Variants in TEX15 observed in about 807,000 individuals in gnomAD.
The protein encoded by TEX15 is testis-expressed protein 15.
Under a neutral mutation model 237.3 loss-of-function variants are expected in TEX15, and 171 were observed. The ratio of observed to expected loss-of-function variants is 0.72; its 90% CI spans 0.64 to 0.82. The LOEUF (loss-of-function observed/expected upper bound fraction) is 0.82. Ranked by LOEUF, TEX15 falls within the 40% of genes least tolerant of loss-of-function variation. The pLI, the probability that TEX15 is intolerant of heterozygous loss-of-function variation, is 0.00. For missense variants in TEX15, 3,750 were observed against 3,646.5 expected, an observed-to-expected ratio of 1.03 and a Z score of -0.73; for synonymous variants, 1,338 against 1,269.8, an observed-to-expected ratio of 1.05 and a Z score of -1.14.
Position 30,846,220 on chromosome 8 carries a change from T to G in TEX15, c.3947A>C (p.Lys1316Thr). Residue 1316 changes from lysine (K) to threonine (T), a missense_variant, in exon 8 of 11, where the codon AAA becomes ACA. Coordinates refer to ENST00000643185, the MANE Select transcript of TEX15 (RefSeq NM_001350162.2). ...ATAAATTTTATGTCGTCTTAAATCTTTATGTGGTATGTTCTGATCCCTGGA... is the reference window on the plus strand; with the variant it reads ...ATAAATTTTATGTCGTCTTAAATCTGTATGTGGTATGTTCTGATCCCTGGA... ...ISSRDQNIPH[K>T]DLRRHKIYGR... 7 of 1,613,456 alleles carry G rather than the reference T, an allele frequency of 4.3e-6. No homozygotes were observed. Among genetic ancestry groups the G allele is most frequent in the Non-Finnish European group, 5.9e-6 (7 of 1,179,666 alleles).
chr8:30,903,730 T>C (rs1258346898), intron 1 of TEX15, among the ~76,000 whole-genome samples: 3 of 152,204 alleles, frequency 2.0e-5, no homozygotes, highest in Non-Finnish European at 4.4e-5. Flanking sequence ...GTGTTACTGA[T>C]AGCGAAAAAC....
At position 30,837,216 on chromosome 8, in the gene TEX15, G is replaced by A; in HGVS notation, c.9068C>T (p.Ala3023Val). The change falls in exon 10 of 11, where the codon GCA becomes GTA. Residue 3023 changes from alanine to valine, a missense_variant. By Grantham distance (64) the Ala-to-Val change is moderately conservative (BLOSUM62 0). Coordinates refer to ENST00000643185, the MANE Select transcript of TEX15 (RefSeq NM_001350162.2). ...AGAAGAATTATATGTTGGGTTACATGCAGACTGTGGAAGTTCATTCCAATA... is the reference window on the plus strand; with the variant it reads ...AGAAGAATTATATGTTGGGTTACATACAGACTGTGGAAGTTCATTCCAATA... ...ATYWNELPQS[A>V]CNPTYNSSEH... 6.2e-7 allele frequency: 1 copy of A among 1,614,120 alleles called. No individual in the cohort carries two copies. The highest frequency in any genetic ancestry group is 8.5e-7 in the Non-Finnish European group (1 of 1,180,016).
intron 1 of TEX15, among the ~76,000 whole-genome samples, chr8:30,902,184 A>G (rs1043598515): frequency 4.0e-5 from 6 of 151,676 alleles, no homozygotes; most frequent in Non-Finnish European, 1.5e-5. Flanking sequence ...TGAGGAAGGC[A>G]TCTAATCAGG....
chr8:30,840,094 T>C lies in TEX15; in HGVS notation c.8164-130A>G, dbSNP rs530064543. The C allele has an allele frequency of 1.2e-5, 6 of 481,594 alleles. 1 individual carries two copies. Among genetic ancestry groups the C allele is most frequent in the Admixed American group, 1.2e-4 (3 of 25,458 alleles). 29.8% of individuals were successfully genotyped at this position (481,594 alleles called of 1,614,324 possible). On this transcript the variant is annotated intron_variant, in intron 8 of 10. Transcript: ENST00000643185. ...CATCTAAAGTTAAACTAATTAATTA[T>C]CACCTCCCTGCAGAAAGCAGTGACT...
chr8:30,854,893 T>C (rs1807875921), intron 7 of TEX15, among the ~76,000 whole-genome samples: 1 of 151,976 alleles, frequency 6.6e-6, no homozygotes, highest in African/African-American at 2.4e-5. Flanking sequence ...CACAACCATC[T>C]CAACAAAGAA....
chr8:30,842,029 G>A lies in TEX15; in HGVS notation c.8138C>T (p.Thr2713Ile), dbSNP rs1441851141. 1.2e-6 allele frequency: 2 copies of A among 1,600,910 alleles called. No individual in the cohort carries two copies. The highest frequency in any genetic ancestry group is 1.7e-6 in the Non-Finnish European group (2 of 1,176,470). ...EDSQEQQQDT[T>I]VSSCKKLKVD... ...CTTTAGCTTTTTACAACTGGAAACA[G>A]TAGTATCTTGCTGTTGTTCCTGAGA... is the stretch of plus-strand genomic sequence containing the variant. Residue 2713 changes from threonine (T) to isoleucine (I), a missense_variant, in exon 8 of 11, where the codon ACT becomes ATT. Thr to Ile is a moderately conservative substitution (Grantham distance 89, BLOSUM62 -1). Coordinates refer to ENST00000643185, the MANE Select transcript of TEX15 (RefSeq NM_001350162.2).
At chr8:30,910,610 CT>C (rs796129316) in intron 1 of TEX15, among the ~76,000 whole-genome samples, 13,608 of 97,952 alleles carry the variant, frequency 0.14, 825 homozygotes, top group African/African-American at 0.3. Flanking sequence ...CACGCCTGGC[CT>C]TTTTTTTTTT....
chr8:30,845,792 T>C lies in TEX15; in HGVS notation c.4375A>G (p.Arg1459Gly). ...TTAGAAATATCAGCTTTTGGAGCTC[T>C]TTTCTTTCTCCGTTTGTCATATTTT... ...KRKYDKRRKKRAPKADISKSL... is the reference protein window; with the variant it reads ...KRKYDKRRKKGAPKADISKSL... Residue 1459 changes from arginine to glycine, a missense_variant, in exon 8 of 11, where the codon AGA becomes GGA. By Grantham distance (125) the Arg-to-Gly change is moderately radical (BLOSUM62 -2). Coordinates refer to ENST00000643185, the MANE Select transcript of TEX15 (RefSeq NM_001350162.2). 6.2e-7 allele frequency: 1 copy of C among 1,610,390 alleles called. No homozygotes were observed. The highest frequency in any genetic ancestry group is 8.5e-7 in the Non-Finnish European group (1 of 1,178,962).
chr8:30,842,297 T>A lies in TEX15; in HGVS notation c.7870A>T (p.Met2624Leu). 6.2e-7 allele frequency: 1 copy of A among 1,613,844 alleles called. No individual in the cohort carries two copies. Among genetic ancestry groups the A allele is most frequent in the East Asian group, 2.2e-5 (1 of 44,824 alleles). The change falls in exon 8 of 11, where the codon ATG becomes TTG. Residue 2624 changes from methionine (M) to leucine (L), a missense_variant. Physicochemically the swap from Met to Leu is conservative, Grantham distance 15 (BLOSUM62 2). Transcript: ENST00000643185. ...KVMKTIEHMK[M>L]ICTKNAELTI... ...AGTTCAGCATTTTTAGTACATATCA[T>A]CTTCATATGTTCAATCGTTTTCATG...
rs1370789693 is a variant in TEX15 at position 30,842,402 on chromosome 8, T to C, written c.7765A>G (p.Asn2589Asp). 6.2e-7 allele frequency: 1 copy of C among 1,613,734 alleles called. No homozygotes were observed. The highest frequency in any genetic ancestry group is 8.5e-7 in the Non-Finnish European group (1 of 1,179,824). ...STVTELEYNY[N>D]QFSTLLKNVM... ...TTCTTCAGCAGTGTAGAAAATTGAT[T>C]GTAGTTGTATTCTAACTCTGTCACA... The change falls in exon 8 of 11, where the codon AAT becomes GAT. Residue 2589 changes from asparagine (N) to aspartate (D), a missense_variant. Asn to Asp is a conservative substitution (Grantham distance 23, BLOSUM62 1). Coordinates refer to ENST00000643185, the MANE Select transcript of TEX15 (RefSeq NM_001350162.2).
intron 1 of TEX15, among the ~76,000 whole-genome samples, chr8:30,904,195 C>T (rs1458770431): frequency 6.6e-6 from 1 of 152,102 alleles, no homozygotes; most frequent in African/African-American, 2.4e-5. Flanking sequence ...GCCTGTAATC[C>T]CACCACTTTG....
chr8:30,854,815 T>C (rs1356932797), intron 7 of TEX15, among the ~76,000 whole-genome samples: 2 of 152,104 alleles, frequency 1.3e-5, no homozygotes, highest in African/African-American at 4.8e-5. Context: ...ATCCAAGGAA[T>C]GCGATGTTAA....
intron 5 of TEX15, 48 bp from the exon 6 acceptor site, chr8:30,860,105 C>A: frequency 1.5e-6 from 2 of 1,351,504 alleles, no homozygotes; most frequent in Non-Finnish European, 1.9e-6. Flanking sequence ...TATACCAAAA[C>A]GTTTCTAAAC....
chr8:30,873,815 T>C (rs1172156816), intron 4 of TEX15, among the ~76,000 whole-genome samples: 3 of 152,094 alleles, frequency 2.0e-5, no homozygotes, highest in Admixed American at 2.0e-4. Flanking sequence ...TAAATAACTA[T>C]GGGAAACAAA....
chr8:30,889,954 C>CGTATAT lies in TEX15; in HGVS notation c.-9-2644_-9-2643insATATAC, dbSNP rs767323464. 2.5e-4 allele frequency among the ~76,000 whole-genome samples: 27 copies of CGTATAT among 110,042 alleles called. 1 individual carries two copies. Among genetic ancestry groups the CGTATAT allele is most frequent in the African/African-American group, 1.1e-3 (24 of 22,380 alleles). The allele number at this position is 110,042 out of a possible 152,430, so 72.2% of individuals were successfully genotyped here. On this transcript the variant is annotated intron_variant, in intron 2 of 10. Transcript: ENST00000643185. Reference sequence around the variant, plus strand: ...ATATACATATATATATATATATATACATATATATATATATGTATAAGTAAA... The same window carrying CGTATAT: ...ATATACATATATATATATATATATACGTATATATATATATATATATGTATAAGTAAA...
chr8:30,846,568 A>G lies in TEX15; in HGVS notation c.3599T>C (p.Ile1200Thr), dbSNP rs557187355. 12 of 1,613,796 alleles carry G rather than the reference A, an allele frequency of 7.4e-6. No homozygotes were observed. The South Asian group carries it at 9.9e-5, about 13-fold the overall frequency. The change falls in exon 8 of 11, where the codon ATT (isoleucine) becomes ACT (threonine). Residue 1200 changes from isoleucine (I) to threonine (T), a missense_variant. Physicochemically the swap from Ile to Thr is moderately conservative, Grantham distance 89 (BLOSUM62 -1). Transcript: ENST00000643185. The stretch of plus-strand genomic sequence containing the variant: ...CTGGGAATAAATGTCAAATCCTAGA[A>G]TTTCTCCATCTTCCTTATTTATTTC... ...KPEINKEDGE[I>T]LGFDIYSQPF...
chr8:30,877,266 C>T (rs945150326), intron 3 of TEX15, among the ~76,000 whole-genome samples: 2 of 152,134 alleles, frequency 1.3e-5, no homozygotes, highest in East Asian at 1.9e-4. Context: ...GTAACAAGTT[C>T]GGACAAAAAA....
At chr8:30,912,575 G>A (rs563512176) in intron 1 of TEX15, among the ~76,000 whole-genome samples, 4 of 152,314 alleles carry the variant, frequency 2.6e-5, no homozygotes, top group South Asian at 2.1e-4. Context: ...CTCAGCGGGG[G>A]CAGAGGGAGA....
chr8:30,837,008 C>G lies in TEX15; in HGVS notation c.9276G>C (p.Leu3092=). ...STAQGTHSNL[L]YSQYFTYFAG... is the part of the protein sequence containing the mutation. ...CAAAATAAGTAAAATATTGAGAGTA[C>G]AGAAGATTAGAATGTGTGCCCTGGG... Residue 3092 remains leucine (L), a synonymous_variant, in exon 10 of 11, where the codon CTG becomes CTC. Transcript: ENST00000643185. 1 of 1,614,078 alleles carries G rather than the reference C, an allele frequency of 6.2e-7. No homozygotes were observed. The highest frequency in any genetic ancestry group is 8.5e-7 in the Non-Finnish European group (1 of 1,180,018).
Sources: gnomAD v4.1 joint callset for allele counts (sites outside exome capture counted in the v4.1 genomes callset) on GRCh38, gnomAD v4.1.1 for gene constraint, MANE v1.5 for transcripts, NCBI Gene and HGNC (gene_info 2026-07-23, HGNC 2026-07-21) for gene names.